Variants in SSBP2 observed in about 807,000 individuals in gnomAD.
SSBP2 encodes the protein single-stranded DNA-binding protein 2.
SSBP2 carries 17 observed loss-of-function variants against 61.8 expected under a neutral mutation model. That is an observed-to-expected ratio of 0.28 (90% CI 0.19 to 0.41). The LOEUF is 0.41. Ranked by LOEUF, SSBP2 falls within the 10% of genes least tolerant of loss-of-function variation. The pLI, the probability that SSBP2 is intolerant of heterozygous loss-of-function variation, is 1.00. For missense variants in SSBP2, 310 were observed against 458.7 expected (o/e 0.68, Z 2.96); for synonymous variants, 139 against 141.3 (o/e 0.98, Z 0.12).
chr5:81,503,673 A>C (rs983133263), intron 5 of SSBP2, among the ~76,000 whole-genome samples: 2 of 152,214 alleles, frequency 1.3e-5, no homozygotes, highest in African/African-American at 4.8e-5. Flanking sequence ...ATAAAGACAC[A>C]TGTACTTGCA....
At chr5:81,669,457 T>C (rs1751418083) in intron 1 of SSBP2, among the ~76,000 whole-genome samples, 1 of 152,168 alleles carries the variant, frequency 6.6e-6, no homozygotes, top group Non-Finnish European at 1.5e-5. Context: ...AAATAAAGTG[T>C]AGTACATCCA....
At chr5:81,685,368 A>G (rs1304484535) in intron 1 of SSBP2, among the ~76,000 whole-genome samples, 1 of 152,188 alleles carries the variant, frequency 6.6e-6, no homozygotes, top group Non-Finnish European at 1.5e-5. Flanking sequence ...TGAACTATAT[A>G]TGATAATGAT....
intron 2 of SSBP2, among the ~76,000 whole-genome samples, chr5:81,639,649 GTATATGCCT>G: frequency 6.6e-6 from 1 of 151,762 alleles, no homozygotes; most frequent in Middle Eastern, 3.4e-3. Flanking sequence ...CTATGCATAA[GTATATGCCT>G]TAGTTTTTTT....
At chr5:81,527,993 G>A (rs1770090643) in intron 4 of SSBP2, among the ~76,000 whole-genome samples, 1 of 151,178 alleles carries the variant, frequency 6.6e-6, no homozygotes, top group Non-Finnish European at 1.5e-5. Context: ...CATCTTAGGT[G>A]TGTAATTACA....
chr5:81,578,776 C>T (rs1774422386), intron 4 of SSBP2, among the ~76,000 whole-genome samples: 1 of 151,686 alleles, frequency 6.6e-6, no homozygotes, highest in African/African-American at 2.4e-5. Context: ...TTCTATAGAT[C>T]TCTTCATTTT....
rs114201365 is a variant in SSBP2, at chr5:81,532,425, A to G, written c.283-18708T>C. ...TTGCAGATATTTAAGTTCTAGAGCA[A>G]TTGCTAAAAACAATAAAGACGTATA... On this transcript the variant is annotated intron_variant, in intron 4 of 16. Transcript: ENST00000320672. Among the ~76,000 whole-genome samples, 407 of 152,160 alleles carry G rather than the reference A, an allele frequency of 2.7e-3. 2 individuals carry two copies. The highest frequency in any genetic ancestry group is 8.5e-3 in the African/African-American group (354 of 41,570).
intron 1 of SSBP2, among the ~76,000 whole-genome samples, chr5:81,722,188 T>C (rs960475612): frequency 1.1e-4 from 17 of 151,948 alleles, no homozygotes; most frequent in Non-Finnish European, 1.6e-4. Context: ...ATACAAAATA[T>C]CCTGGCTTAC....
At chr5:81,449,984 C>T (rs962741976) in intron 10 of SSBP2, among the ~76,000 whole-genome samples, 1 of 152,132 alleles carries the variant, frequency 6.6e-6, no homozygotes, top group African/African-American at 2.4e-5. Context: ...CAACTTTGCT[C>T]TCTTGGGTCC....
chr5:81,751,209 T>TC (rs1757746779), upstream of SSBP2: 3 of 691,272 alleles, frequency 4.3e-6, no homozygotes, highest in East Asian at 2.8e-5. Context: ...CTGACAGGCC[T>TC]CCCCCTCCCT....
chr5:81,614,434 G>A (rs553679702), intron 4 of SSBP2, among the ~76,000 whole-genome samples: 2 of 150,610 alleles, frequency 1.3e-5, no homozygotes, highest in African/African-American at 2.4e-5. Flanking sequence ...CCGTAAGTCT[G>A]CATGCTCTTC....
At chr5:81,492,319 A>G (rs972408493) in intron 5 of SSBP2, among the ~76,000 whole-genome samples, 3 of 152,106 alleles carry the variant, frequency 2.0e-5, no homozygotes, top group African/African-American at 7.2e-5. Flanking sequence ...CCTGGGCAAC[A>G]TGACGAAACC....
At chr5:81,560,776 A>G (rs1772982997) in intron 4 of SSBP2, among the ~76,000 whole-genome samples, 2 of 152,244 alleles carry the variant, frequency 1.3e-5, no homozygotes, top group Non-Finnish European at 1.5e-5. Context: ...TAAACATTGT[A>G]TATATTTAAG....
chr5:81,433,746 C>T (rs980305519), intron 15 of SSBP2, among the ~76,000 whole-genome samples: 4 of 152,152 alleles, frequency 2.6e-5, no homozygotes, highest in African/African-American at 9.7e-5. Flanking sequence ...TCTTTAAAAG[C>T]TTTCTAAATC....
intron 6 of SSBP2, among the ~76,000 whole-genome samples, chr5:81,483,762 T>TAC (rs1766174024): frequency 2.0e-5 from 3 of 150,440 alleles, no homozygotes; most frequent in South Asian, 2.1e-4. Context: ...GACATATATA[T>TAC]ATACACACAC....
chr5:81,575,060 G>C (rs539321563), intron 4 of SSBP2, among the ~76,000 whole-genome samples: 93 of 152,264 alleles, frequency 6.1e-4, no homozygotes, highest in African/African-American at 1.6e-3. Flanking sequence ...ACGAGGTCGA[G>C]AGATCAAGAC....
intron 6 of SSBP2, among the ~76,000 whole-genome samples, chr5:81,482,319 T>C (rs1296763492): frequency 1.3e-5 from 2 of 152,082 alleles, no homozygotes; most frequent in East Asian, 1.9e-4. Flanking sequence ...AGGTCACCAG[T>C]TGTATTACCC....
intron 4 of SSBP2, among the ~76,000 whole-genome samples, chr5:81,601,061 G>A (rs564196365): frequency 6.6e-6 from 1 of 152,268 alleles, no homozygotes; most frequent in South Asian, 2.1e-4. Flanking sequence ...ATCCTGAACA[G>A]CAGCGAAAAA....
At chr5:81,749,366 T>C (rs1401410223) in intron 1 of SSBP2, among the ~76,000 whole-genome samples, 1 of 152,212 alleles carries the variant, frequency 6.6e-6, no homozygotes, top group Non-Finnish European at 1.5e-5. Context: ...CCTATGGGAA[T>C]TGAGTGTGTT....
chr5:81,463,254 A>G (rs1408875616), intron 9 of SSBP2, among the ~76,000 whole-genome samples: 1 of 152,202 alleles, frequency 6.6e-6, no homozygotes, highest in Non-Finnish European at 1.5e-5. Flanking sequence ...TAGTTCTATT[A>G]GAACAACTAG....
Sources: gnomAD v4.1 joint callset for allele counts (sites outside exome capture counted in the v4.1 genomes callset) on GRCh38, gnomAD v4.1.1 for gene constraint, MANE v1.5 for transcripts, NCBI Gene and HGNC (gene_info 2026-07-23, HGNC 2026-07-21) for gene names.